The following RERE variants were observed in gnomAD, a reference collection of about 807,000 sequenced individuals.
RERE encodes the protein arginine-glutamic acid dipeptide repeats protein.
A neutral mutation model predicts 146.1 loss-of-function variants in RERE; 40 were observed. The observed-to-expected ratio is 0.27, with a 90% confidence interval of 0.21 to 0.36. The LOEUF is 0.36. Ranked by LOEUF, RERE falls within the 10% of genes least tolerant of loss-of-function variation. The pLI is 1.00. For synonymous variants in RERE, 1,003 were observed against 866.0 expected (o/e 1.16, Z -2.78); for missense variants, 1,933 against 2,138.7 (o/e 0.90, Z 1.90).
intron 12 of RERE, among the ~76,000 whole-genome samples, chr1:8,394,916 T>C (rs994126989): frequency 1.3e-5 from 2 of 152,202 alleles, no homozygotes; most frequent in Non-Finnish European, 2.9e-5. Context: ...CATTTTTATA[T>C]CCTCAGCATC....
intron 12 of RERE, among the ~76,000 whole-genome samples, chr1:8,376,507 T>C (rs1642262092): frequency 6.6e-6 from 1 of 152,220 alleles, no homozygotes; most frequent in Non-Finnish European, 1.5e-5. Context: ...ACAACCTCTA[T>C]GACGACATGA....
At chr1:8,372,080 T>C (rs1277910745) in intron 12 of RERE, among the ~76,000 whole-genome samples, 1 of 152,192 alleles carries the variant, frequency 6.6e-6, no homozygotes, top group African/African-American at 2.4e-5. Flanking sequence ...ATAAGCCACA[T>C]GTCTTCTCTC....
chr1:8,376,315 C>T (rs1286297300), intron 12 of RERE, among the ~76,000 whole-genome samples: 1 of 152,190 alleles, frequency 6.6e-6, no homozygotes, highest in Non-Finnish European at 1.5e-5. Context: ...CTGGTAATAA[C>T]AGGATGCCAG....
At chr1:8,658,652 G>T (rs1168806683) in intron 1 of RERE, among the ~76,000 whole-genome samples, 1 of 151,926 alleles carries the variant, frequency 6.6e-6, no homozygotes, top group Non-Finnish European at 1.5e-5. Context: ...AGCTACTCGG[G>T]AGGCTGAGTT....
intron 11 of RERE, chr1:8,424,095 G>A (rs1643967322): frequency 6.6e-6 from 1 of 152,144 alleles, no homozygotes; most frequent in African/African-American, 2.4e-5. Flanking sequence ...GTTCCGGATG[G>A]ACGAAGTCGG....
intron 11 of RERE, among the ~76,000 whole-genome samples, chr1:8,441,628 T>C (rs374006670): frequency 6.6e-6 from 1 of 152,248 alleles, no homozygotes; most frequent in African/African-American, 2.4e-5. Context: ...CGGAAAGTCA[T>C]ATCTGACGAC....
intron 6 of RERE, among the ~76,000 whole-genome samples, chr1:8,544,556 T>C (rs1398304990): frequency 1.3e-5 from 2 of 152,172 alleles, no homozygotes; most frequent in Non-Finnish European, 2.9e-5. Flanking sequence ...TCCACTTATA[T>C]GAGCTTTAGA....
intron 12 of RERE, among the ~76,000 whole-genome samples, chr1:8,391,732 T>C (rs534491020): frequency 6.6e-6 from 1 of 152,356 alleles, no homozygotes; most frequent in South Asian, 2.1e-4. Flanking sequence ...ATCTGTCTTC[T>C]TCATAGAATT....
chr1:8,814,930 C>G (rs1213440974), intron 1 of RERE, among the ~76,000 whole-genome samples: 2 of 152,196 alleles, frequency 1.3e-5, no homozygotes, highest in Non-Finnish European at 2.9e-5. Context: ...GCAACCGTGC[C>G]TGTCAAAGGA....
chr1:8,808,690 A>G (rs1440633142), intron 1 of RERE, among the ~76,000 whole-genome samples: 1 of 152,144 alleles, frequency 6.6e-6, no homozygotes, highest in Non-Finnish European at 1.5e-5. Flanking sequence ...CAATAGCATA[A>G]TAGTTAGTTA....
At chr1:8,710,877 G>A (rs1307534216) in intron 1 of RERE, among the ~76,000 whole-genome samples, 1 of 151,960 alleles carries the variant, frequency 6.6e-6, no homozygotes, top group Non-Finnish European at 1.5e-5. Context: ...GTAAACTACT[G>A]GGATTACAGT....
At chr1:8,539,846 G>A (rs1645776316) in intron 7 of RERE, among the ~76,000 whole-genome samples, 1 of 152,240 alleles carries the variant, frequency 6.6e-6, no homozygotes, top group Middle Eastern at 3.4e-3. Flanking sequence ...GAGGGAGACA[G>A]ACAGACAGAT....
intron 11 of RERE, among the ~76,000 whole-genome samples, chr1:8,435,290 C>A (rs1026477671): frequency 8.5e-5 from 13 of 152,112 alleles, no homozygotes; most frequent in African/African-American, 2.9e-4. Flanking sequence ...AGGAAAGGGC[C>A]TTTGTTTTGT....
At chr1:8,779,901 A>G (rs978439612) in intron 1 of RERE, among the ~76,000 whole-genome samples, 1 of 152,180 alleles carries the variant, frequency 6.6e-6, no homozygotes, top group Non-Finnish European at 1.5e-5. Context: ...TTTAAAAAAC[A>G]TTAACTTAGT....
At chr1:8,643,649 A>G (rs1286766040) in intron 2 of RERE, among the ~76,000 whole-genome samples, 1 of 152,246 alleles carries the variant, frequency 6.6e-6, no homozygotes, top group Non-Finnish European at 1.5e-5. Flanking sequence ...AGAATACATG[A>G]AAACAACAGA....
rs754854999 is a variant in RERE, at chr1:8,497,385, T to TG, written c.1004+19dup. ...AGATGGTCTAATTCAGAAAGCAGGA[T>TG]GGGGGTAGATTCCTATTACCTTGCT... On this transcript the variant is annotated intron_variant, in intron 9 of 22. Coordinates refer to ENST00000400908, the MANE Select transcript of RERE (RefSeq NM_001042681.2). The TG allele has an allele frequency of 4.4e-5, 71 of 1,613,632 alleles. No homozygotes were observed. Among genetic ancestry groups the TG allele is most frequent in the Non-Finnish European group, 5.6e-5 (66 of 1,179,814 alleles).
chr1:8,513,730 A>G (rs1645373279), intron 7 of RERE, among the ~76,000 whole-genome samples: 1 of 152,244 alleles, frequency 6.6e-6, no homozygotes, highest in Non-Finnish European at 1.5e-5. Context: ...CAGTGAGCCA[A>G]CATCGTGCCA....
At chr1:8,450,535 T>TCGCACGAGCAAATCCCAACTGAC (rs1644378330) in intron 11 of RERE, among the ~76,000 whole-genome samples, 1 of 151,856 alleles carries the variant, frequency 6.6e-6, no homozygotes, top group Non-Finnish European at 1.5e-5. Context: ...TCCCAACTGA[T>TCGCACGAGCAAATCCCAACTGAC]GCCTCGCACG....
chr1:8,750,299 C>A (rs987759045), intron 1 of RERE: 2 of 557,162 alleles, frequency 3.6e-6, no homozygotes, highest in Non-Finnish European at 6.4e-6. Flanking sequence ...ATCAAGGTAA[C>A]GGAAGATGAG....
Sources: allele counts gnomAD v4.1 joint callset (sites outside exome capture counted in the v4.1 genomes callset), GRCh38; gene constraint gnomAD v4.1.1; transcripts MANE v1.5; gene names NCBI Gene and HGNC (gene_info 2026-07-23, HGNC 2026-07-21).